Variants in PRKG1 observed in about 807,000 individuals in gnomAD.
PRKG1 encodes the protein protein kinase cGMP-dependent 1.
A neutral mutation model predicts 88.1 loss-of-function variants in PRKG1; 35 were observed. That is an observed-to-expected ratio of 0.40 (90% CI 0.30 to 0.53). PRKG1 has a LOEUF of 0.53. Among genes scored for constraint, PRKG1 ranks in the 20% least tolerant of loss-of-function variants. The pLI is 0.59. For missense variants in PRKG1, 540 were observed against 839.8 expected (o/e 0.64, Z 4.41); for synonymous variants, 303 against 292.5 (o/e 1.04, Z -0.37).
intron 9 of PRKG1, among the ~76,000 whole-genome samples, chr10:52,227,560 T>C (rs528901445): frequency 2.0e-4 from 31 of 152,286 alleles, no homozygotes; most frequent in Admixed American, 1.6e-3. Flanking sequence ...ATGCAAATAC[T>C]ACACCATTTT....
chr10:51,171,100 G>A (rs953489228), intron 2 of PRKG1, among the ~76,000 whole-genome samples: 2 of 152,108 alleles, frequency 1.3e-5, no homozygotes, highest in African/African-American at 4.8e-5. Flanking sequence ...TGAAAGCTCA[G>A]CCAATAGTAT....
Position 51,208,572 on chromosome 10 carries a change from A to G in PRKG1, c.478+55242A>G, listed in dbSNP as rs193026721. On this transcript the variant is annotated intron_variant, in intron 2 of 17. Transcript: ENST00000373980. ...GGAGTTCAGAAATGAGAGAGAAGCC[A>G]CTTATTTCCTTGGATAATGGGAAGG... 2.0e-4 allele frequency among the ~76,000 whole-genome samples: 31 copies of G among 152,318 alleles called. 1 individual carries two copies. The highest frequency in any genetic ancestry group is 1.6e-3 in the Admixed American group (25 of 15,290).
chr10:51,939,586 A>C (rs925536633), intron 5 of PRKG1, among the ~76,000 whole-genome samples: 4 of 139,408 alleles, frequency 2.9e-5, no homozygotes, highest in African/African-American at 1.0e-4. Context: ...TGAGTTTATA[A>C]ACTTAATTTT....
chr10:51,261,393 A>T (rs1406655672), intron 2 of PRKG1, among the ~76,000 whole-genome samples: 1 of 152,238 alleles, frequency 6.6e-6, no homozygotes, highest in African/African-American at 2.4e-5. Context: ...AGTACTCATC[A>T]CATCCTTTCA....
intron 5 of PRKG1, among the ~76,000 whole-genome samples, chr10:51,997,574 A>G (rs1408511224): frequency 6.6e-6 from 1 of 152,148 alleles, no homozygotes; most frequent in African/African-American, 2.4e-5. Context: ...TTGAGAGAAA[A>G]TGTTACATTT....
At chr10:52,089,264 T>C (rs1846992207) in intron 7 of PRKG1, among the ~76,000 whole-genome samples, 1 of 152,080 alleles carries the variant, frequency 6.6e-6, no homozygotes, top group African/African-American at 2.4e-5. Context: ...CTAGCAAGAG[T>C]AACAAAAATC....
At chr10:51,456,111 A>C (rs1839577107) in intron 2 of PRKG1, among the ~76,000 whole-genome samples, 1 of 152,228 alleles carries the variant, frequency 6.6e-6, no homozygotes, top group African/African-American at 2.4e-5. Context: ...AGGAAGAGCA[A>C]AGTCGCATCT....
intron 3 of PRKG1, among the ~76,000 whole-genome samples, chr10:51,647,270 G>T (rs1377559259): frequency 6.6e-6 from 1 of 152,048 alleles, no homozygotes; most frequent in African/African-American, 2.4e-5. Flanking sequence ...CCAATGAAGT[G>T]ATGTGTAGCC....
chr10:51,648,736 G>A (rs563472868), intron 3 of PRKG1, among the ~76,000 whole-genome samples: 10 of 152,080 alleles, frequency 6.6e-5, no homozygotes, highest in South Asian at 2.1e-4. Flanking sequence ...ATTCAATTAC[G>A]GAAACATATG....
intron 9 of PRKG1, among the ~76,000 whole-genome samples, chr10:52,233,197 AGAG>A (rs746808312): frequency 1.6e-5 from 2 of 126,796 alleles, no homozygotes; most frequent in East Asian, 2.3e-4. Flanking sequence ...AAAAAAAAAA[AGAG>A]AGAGAGAGAG....
At position 51,016,738 on chromosome 10, in the gene PRKG1, G is replaced by A. The variant is rs569461878; in HGVS notation, c.266+25094G>A. Among the ~76,000 whole-genome samples, 6 of 130,702 alleles carry A rather than the reference G, an allele frequency of 4.6e-5. No individual in the cohort carries two copies. The South Asian group carries it at 1.2e-3, about 26-fold the overall frequency. 85.7% of individuals were successfully genotyped at this position (130,702 alleles called of 152,430 possible). A position where few individuals can be genotyped will look rare whatever the true frequency, so the allele number is the denominator to read the frequency against. Reference sequence around the variant, plus strand: ...GGCTGGAGTGCAGTGGCGCGATCTCGGCTCACTGGAAACTCCACCTCCCAG... The same window carrying A: ...GGCTGGAGTGCAGTGGCGCGATCTCAGCTCACTGGAAACTCCACCTCCCAG... On this transcript the variant is annotated intron_variant, in intron 1 of 17. Transcript: ENST00000401604.
intron 2 of PRKG1, among the ~76,000 whole-genome samples, chr10:51,343,851 T>G (rs1842054667): frequency 6.6e-6 from 1 of 152,160 alleles, no homozygotes; most frequent in South Asian, 2.1e-4. Flanking sequence ...ACCAGTAATG[T>G]GCCCCTCATA....
chr10:51,447,808 C>G (rs1364425499), intron 2 of PRKG1, among the ~76,000 whole-genome samples: 1 of 152,044 alleles, frequency 6.6e-6, no homozygotes, highest in African/African-American at 2.4e-5. Context: ...TTAGCTGCAA[C>G]ATGCCTGGGT....
chr10:51,319,310 A>G (rs1265214680), intron 2 of PRKG1, among the ~76,000 whole-genome samples: 11 of 152,022 alleles, frequency 7.2e-5, no homozygotes, highest in African/African-American at 2.7e-4. Flanking sequence ...GAAAGAGTGT[A>G]CAGATAAGTG....
chr10:51,053,536 C>T (rs902930994), intron 1 of PRKG1, among the ~76,000 whole-genome samples: 2 of 152,158 alleles, frequency 1.3e-5, no homozygotes, highest in African/African-American at 4.8e-5. Context: ...CATCACCCCC[C>T]ATGGTAAATC....
intron 3 of PRKG1, among the ~76,000 whole-genome samples, chr10:51,525,757 T>G (rs1480285152): frequency 6.6e-6 from 1 of 151,098 alleles, no homozygotes; most frequent in Non-Finnish European, 1.5e-5. Context: ...TAAAATAAAC[T>G]CCCATATACC....
intron 1 of PRKG1, among the ~76,000 whole-genome samples, chr10:51,050,941 G>C (rs1293493553): frequency 6.6e-6 from 1 of 151,984 alleles, no homozygotes; most frequent in African/African-American, 2.4e-5. Context: ...GGCCGTTTGT[G>C]TGTCTTTTTT....
chr10:51,442,484 G>C (rs1232372153), intron 2 of PRKG1, among the ~76,000 whole-genome samples: 1 of 151,870 alleles, frequency 6.6e-6, no homozygotes, highest in Non-Finnish European at 1.5e-5. Flanking sequence ...CAATTTTTCA[G>C]CATATCTCTG....
chr10:51,365,553 G>A (rs1842571515), intron 2 of PRKG1, among the ~76,000 whole-genome samples: 1 of 151,894 alleles, frequency 6.6e-6, no homozygotes, highest in Non-Finnish European at 1.5e-5. Context: ...TTGGGGGGCT[G>A]AATATTCTAA....
Sources: allele counts gnomAD v4.1 joint callset (sites outside exome capture counted in the v4.1 genomes callset), GRCh38; gene constraint gnomAD v4.1.1; transcripts MANE v1.5; gene names NCBI Gene and HGNC (gene_info 2026-07-23, HGNC 2026-07-21).